GTF2H3: variants seen among roughly 807,000 people sequenced by gnomAD.
GTF2H3 encodes the protein TFIIH basal transcription factor complex p34 subunit.
Under a neutral mutation model 51.1 loss-of-function variants are expected in GTF2H3, and 42 were observed. The ratio of observed to expected loss-of-function variants is 0.82; its 90% CI spans 0.64 to 1.06. The LOEUF is 1.06. Ranked by LOEUF, GTF2H3 falls within the 50% of genes least tolerant of loss-of-function variation. GTF2H3 has a pLI of 0.00. For missense variants in GTF2H3, 326 were observed against 366.1 expected (o/e 0.89, Z 0.89); for synonymous variants, 123 against 123.8 (o/e 0.99, Z 0.04).
At chr12:123,659,446 A>G (rs768094485) in intron 9 of GTF2H3, 70 bp from the exon 10 acceptor site, 9 of 1,220,960 alleles carry the variant, frequency 7.4e-6, no homozygotes, top group Admixed American at 1.7e-5. Flanking sequence ...GGCATTGCTC[A>G]TGAGAACCTC....
chr12:123,644,830 T>G (rs1955424900), intron 2 of GTF2H3, among the ~76,000 whole-genome samples: 1 of 152,214 alleles, frequency 6.6e-6, no homozygotes, highest in Admixed American at 6.5e-5. Flanking sequence ...ATGTATTCAT[T>G]ATCTACTCCA....
intron 1 of GTF2H3, among the ~76,000 whole-genome samples, chr12:123,636,803 G>C (rs532954723): frequency 1.3e-5 from 2 of 152,314 alleles, no homozygotes; most frequent in African/African-American, 4.8e-5. Flanking sequence ...TGTAATCCCG[G>C]CTACTCAGGA....
At chr12:123,641,848 TTTTGTTTG>T (rs751725485) in intron 2 of GTF2H3, among the ~76,000 whole-genome samples, 2 of 152,192 alleles carry the variant, frequency 1.3e-5, no homozygotes, top group Non-Finnish European at 2.9e-5. Context: ...TTTTTAGTTT[TTTTGTTTG>T]TTTGTTTGTT....
intron 2 of GTF2H3, among the ~76,000 whole-genome samples, chr12:123,644,735 G>C (rs894413758): frequency 2.0e-5 from 3 of 151,970 alleles, no homozygotes; most frequent in Admixed American, 2.0e-4. Context: ...TGTTCACTAA[G>C]TATATACCAG....
At chr12:123,647,582 A>C (rs1229758942) in intron 3 of GTF2H3, among the ~76,000 whole-genome samples, 2 of 152,148 alleles carry the variant, frequency 1.3e-5, no homozygotes, top group African/African-American at 4.8e-5. Context: ...GTAGTGAGTT[A>C]GAATTTGGTA....
At chr12:123,655,542 T>C (rs1468769432) in intron 8 of GTF2H3, 8 of 463,232 alleles carry the variant, frequency 1.7e-5, no homozygotes, top group Middle Eastern at 5.8e-4. Flanking sequence ...GCCTGGACTT[T>C]GGAGACATGC....
intron 2 of GTF2H3, among the ~76,000 whole-genome samples, chr12:123,642,967 C>T (rs559144068): frequency 1.5e-3 from 221 of 152,222 alleles, no homozygotes; most frequent in African/African-American, 4.6e-3. Flanking sequence ...CTCCACCTCC[C>T]GGGTTCAAGC....
At chr12:123,639,558 A>G (rs1047800502) in intron 2 of GTF2H3, among the ~76,000 whole-genome samples, 11 of 152,136 alleles carry the variant, frequency 7.2e-5, no homozygotes, top group African/African-American at 2.4e-4. Context: ...GCGTTCCCTC[A>G]TGCCTGCTTG....
chr12:123,635,067 A>G (rs1342898457), intron 1 of GTF2H3, among the ~76,000 whole-genome samples: 1 of 152,168 alleles, frequency 6.6e-6, no homozygotes, highest in South Asian at 2.1e-4. Context: ...CAACCCTGTG[A>G]GGGAGGCAGG....
chr12:123,635,451 T>TA (rs1469075721), intron 1 of GTF2H3, among the ~76,000 whole-genome samples: 4 of 151,070 alleles, frequency 2.6e-5, no homozygotes, highest in African/African-American at 9.7e-5. Context: ...CGCACACCTA[T>TA]AATCCCAGCT....
At chr12:123,656,413 A>G (rs1377394342) in intron 9 of GTF2H3, among the ~76,000 whole-genome samples, 1 of 152,190 alleles carries the variant, frequency 6.6e-6, no homozygotes, top group East Asian at 1.9e-4. Context: ...ATTTTTTAGC[A>G]ACACATTTCA....
At chr12:123,636,250 T>C (rs1188983607) in intron 1 of GTF2H3, among the ~76,000 whole-genome samples, 1 of 152,184 alleles carries the variant, frequency 6.6e-6, no homozygotes, top group African/African-American at 2.4e-5. Flanking sequence ...AATGGGATTT[T>C]GGGATTGCAG....
In GTF2H3 at chr12:123,656,079, A is replaced by G. The variant is rs564257674; in HGVS notation, c.615+255A>G. The G allele has an allele frequency of 8.7e-4, 305 of 350,124 alleles. 1 individual carries two copies. The South Asian group carries it at 0.012, about 14-fold the overall frequency. 21.7% of individuals were successfully genotyped at this position (350,124 alleles called of 1,614,324 possible). On this transcript the variant is annotated intron_variant, in intron 9 of 12. Transcript: ENST00000543341. ...TTTTACTTTAACCCGAAAGGGAAAC[A>G]AAACCCTAAAGTAAGTCTGAAGAAA...
At chr12:123,656,641 G>A (rs1462416917) in intron 9 of GTF2H3, among the ~76,000 whole-genome samples, 2 of 152,146 alleles carry the variant, frequency 1.3e-5, no homozygotes, top group African/African-American at 4.8e-5. Flanking sequence ...CTCTTGGTTT[G>A]TCCTCTCAGC....
chr12:123,658,334 C>T (rs1955612206), intron 9 of GTF2H3, among the ~76,000 whole-genome samples: 1 of 152,152 alleles, frequency 6.6e-6, no homozygotes, highest in Non-Finnish European at 1.5e-5. Context: ...TCTCCTGCCT[C>T]AGCCTCCCAA....
chr12:123,651,284 C>T (rs1030007151), intron 5 of GTF2H3: 6 of 352,212 alleles, frequency 1.7e-5, no homozygotes, highest in Non-Finnish European at 2.7e-5. Flanking sequence ...AATCTCGGCT[C>T]ACTGCAACCT....
chr12:123,634,312 C>T (rs1009719406), intron 1 of GTF2H3, among the ~76,000 whole-genome samples: 43 of 152,002 alleles, frequency 2.8e-4, no homozygotes, highest in Admixed American at 5.9e-4. Flanking sequence ...CGTGGTAGCG[C>T]GTGTCTGTGG....
rs1955233684 is a variant in GTF2H3, at chr12:123,633,996, C to G, written c.13+124C>G. On this transcript the variant is annotated intron_variant, in intron 1 of 12. Coordinates refer to ENST00000543341, the MANE Select transcript of GTF2H3 (RefSeq NM_001516.5). ...TCCGTTTGGTCTTTAGAGGAGTAGC[C>G]AAGGCATTCAGTCATTCATTCAGTA... is the stretch of plus-strand genomic sequence containing the variant. The G allele has an allele frequency of 3.1e-6, 3 of 963,138 alleles. No homozygotes were observed. In the Admixed American group the frequency reaches 5.5e-5, roughly 18 times the overall value. 59.7% of individuals were successfully genotyped at this position (963,138 alleles called of 1,614,324 possible). A position where few individuals can be genotyped will look rare whatever the true frequency, so the allele number is the denominator to read the frequency against.
intron 3 of GTF2H3, among the ~76,000 whole-genome samples, chr12:123,647,247 C>T (rs1213176357): frequency 6.6e-6 from 1 of 151,392 alleles, no homozygotes; most frequent in Non-Finnish European, 1.5e-5. Context: ...AGGCAGATTA[C>T]TTGAGGTCAG....
Sources: gnomAD v4.1 joint callset for allele counts (sites outside exome capture counted in the v4.1 genomes callset) on GRCh38, gnomAD v4.1.1 for gene constraint, MANE v1.5 for transcripts, NCBI Gene and HGNC (gene_info 2026-07-23, HGNC 2026-07-21) for gene names.